UBN1: variants seen among roughly 807,000 people sequenced by gnomAD.
UBN1 encodes ubinuclein-1.
In UBN1, 17 loss-of-function variants were observed where a neutral mutation model predicts 108.5. The ratio of observed to expected loss-of-function variants is 0.16; its 90% confidence interval spans 0.11 to 0.24. The LOEUF is 0.24. Among genes scored for constraint, UBN1 ranks in the 10% least tolerant of loss-of-function variants. UBN1 has a pLI of 1.00. For missense variants in UBN1, 1,595 were observed against 1,394.4 expected, an observed-to-expected ratio of 1.14 and a Z score of -2.29; for synonymous variants, 726 against 564.2, an observed-to-expected ratio of 1.29 and a Z score of -4.07.
chr16:4,873,166 T>C, intron 14 of UBN1, 93 bp downstream of exon 14: 1 of 1,549,114 alleles, frequency 6.5e-7, no homozygotes, highest in Non-Finnish European at 8.9e-7. Flanking sequence ...AGCTCATTGA[T>C]CTTTGCTCGT....
intron 8 of UBN1, 29 bp from the exon 9 acceptor site, chr16:4,870,183 G>C (rs1567935882): frequency 5.6e-6 from 9 of 1,613,624 alleles, no homozygotes; most frequent in Non-Finnish European, 7.6e-6. Flanking sequence ...GTGAGCTGCA[G>C]CCGGTGGTGA....
At chr16:4,848,528 C>T (rs76407180) in intron 1 of UBN1, 19,567 of 152,206 alleles carry the variant, frequency 0.13, 1,435 homozygotes, top group South Asian at 0.26. Flanking sequence ...CACGCATTTC[C>T]CCAAGGCATT....
chr16:4,855,184 C>T (rs987706618), intron 2 of UBN1, among the ~76,000 whole-genome samples: 11 of 152,108 alleles, frequency 7.2e-5, no homozygotes, highest in South Asian at 2.1e-4. Flanking sequence ...GAGTGTGGAA[C>T]GAGAATGAAA....
At chr16:4,876,357 G>C (rs1055140945) in intron 15 of UBN1, among the ~76,000 whole-genome samples, 2 of 151,952 alleles carry the variant, frequency 1.3e-5, no homozygotes, top group Admixed American at 6.6e-5. Flanking sequence ...CCTCTGTAAG[G>C]TAACTAAGCT....
In UBN1 at chr16:4,870,215, A is replaced by G; in HGVS notation, c.1185A>G (p.Ile395Met). 1 of 1,614,246 alleles carries G rather than the reference A, an allele frequency of 6.2e-7. No individual in the cohort carries two copies. ...GTGACTGTGTTTTGTTCTTCAGCAT[A>G]GAGGCGCAGACTCGGGAGCTGAGCA... ...TQDINGILLDIEAQTRELSSQ... is the reference protein window; with the variant it reads ...TQDINGILLDMEAQTRELSSQ... The change falls in exon 9 of 18, where the codon ATA (isoleucine) becomes ATG (methionine). Residue 395 changes from isoleucine (I) to methionine (M), a missense_variant. Around this residue, in one of 3 missense-constraint regions of UBN1, gnomAD observed 1,398 missense variants for 1,194.7 expected, o/e 1.17. Coordinates refer to ENST00000262376, the MANE Select transcript of UBN1 (RefSeq NM_001079514.3).
intron 13 of UBN1, 46 bp downstream of exon 13, chr16:4,872,980 G>A: frequency 6.2e-7 from 1 of 1,614,146 alleles, no homozygotes; most frequent in South Asian, 1.1e-5. Flanking sequence ...TGTTGTTTTT[G>A]GTCTCCTCTG....
At chr16:4,874,089 C>A in intron 14 of UBN1, 122 bp from the exon 15 acceptor site, 1 of 1,260,340 alleles carries the variant, frequency 7.9e-7, no homozygotes, top group African/African-American at 1.5e-5. Context: ...CACCACTTGT[C>A]TTGTAATTAT....
rs913504204 is a variant in UBN1 at position 4,874,884 on chromosome 16, A to G, written c.2474A>G (p.Asn825Ser). ...KNFTPPSPFANKLQGPKASPT... is the reference protein window; with the variant it reads ...KNFTPPSPFASKLQGPKASPT... Reference sequence around the variant, plus strand: ...TTCACGCCCCCATCTCCATTTGCCAATAAGCTCCAAGGCCCAAAGGCTTCT... The same window carrying G: ...TTCACGCCCCCATCTCCATTTGCCAGTAAGCTCCAAGGCCCAAAGGCTTCT... The change falls in exon 15 of 18, where the codon AAT (asparagine) becomes AGT (serine). Residue 825 changes from asparagine to serine, a missense_variant. Coordinates refer to ENST00000262376, the MANE Select transcript of UBN1 (RefSeq NM_001079514.3). The G allele has an allele frequency of 4.3e-6, 7 of 1,613,998 alleles. No individual in the cohort carries two copies. Among genetic ancestry groups the G allele is most frequent in the African/African-American group, 4.0e-5 (3 of 74,940 alleles).
intron 4 of UBN1, 140 bp downstream of exon 4, chr16:4,858,803 A>C (rs1282379482): frequency 1.0e-6 from 1 of 971,506 alleles, no homozygotes; most frequent in Non-Finnish European, 1.6e-6. Flanking sequence ...ATGAGAGACG[A>C]AATGACATTC....
chr16:4,853,924 A>G (rs992055406), intron 2 of UBN1, among the ~76,000 whole-genome samples: 1 of 152,038 alleles, frequency 6.6e-6, no homozygotes, highest in African/African-American at 2.4e-5. Flanking sequence ...GTCACAAAAT[A>G]TATTTATCAG....
intron 1 of UBN1, among the ~76,000 whole-genome samples, chr16:4,851,339 A>G (rs1031039113): frequency 6.6e-6 from 1 of 152,164 alleles, no homozygotes; most frequent in Non-Finnish European, 1.5e-5. Context: ...AGTTCCAACT[A>G]CTAGGGAGGC....
Position 4,877,640 on chromosome 16 carries a change from C to T in UBN1, c.3355+166C>T, listed in dbSNP as rs1161690396. ...TTGTCAGTACTCAGGGTGACACGCA[C>T]TTCTACTCTTGGGGTTTCCTCTGGT... On this transcript the variant is annotated intron_variant, in intron 17 of 17. Coordinates refer to ENST00000262376, the MANE Select transcript of UBN1 (RefSeq NM_001079514.3). This position sits in a 1 kb window ranked among gnomAD's most constrained non-coding sequence, Gnocchi z 4.3. 2 of 1,339,028 alleles carry T rather than the reference C, an allele frequency of 1.5e-6. No homozygotes were observed. The highest frequency in any genetic ancestry group is 1.9e-6 in the Non-Finnish European group (2 of 1,046,972). 82.9% of individuals were successfully genotyped at this position (1,339,028 alleles called of 1,614,324 possible).
In UBN1 at chr16:4,875,233, C is replaced by T. The variant is rs145528581; in HGVS notation, c.2823C>T (p.Ser941=). ...TGGTCCCTGGCATACAGCCTCCCTC[C>T]GTGGGACAGGCCACCAGCCGACCCG... The part of the protein sequence containing the change: ...GSLVPGIQPP[S]VGQATSRPVP... Residue 941 remains serine (S), a synonymous_variant, in exon 15 of 18, where the codon TCC becomes TCT. Coordinates refer to ENST00000262376, the MANE Select transcript of UBN1 (RefSeq NM_001079514.3). The T allele has an allele frequency of 4.6e-5, 75 of 1,614,088 alleles. No homozygotes were observed. Among genetic ancestry groups the T allele is most frequent in the Admixed American group, 2.7e-4 (16 of 60,010 alleles).
At chr16:4,873,213 A>G (rs987253628) in intron 14 of UBN1, 140 bp downstream of exon 14, 18 of 1,261,216 alleles carry the variant, frequency 1.4e-5, no homozygotes, top group Non-Finnish European at 1.8e-5. Context: ...TCTTGAAGTC[A>G]TAACAGGACA....
chr16:4,874,408 C>T lies in UBN1; in HGVS notation c.1998C>T (p.Ile666=), dbSNP rs1273046828. ...AGGACTCATTGGATGAAGACTTGAT[C>T]CGCAATCCAGCCTCCTCGGTGGAAG... The part of the protein sequence containing the change: ...NLEDSLDEDL[I]RNPASSVEAV... Residue 666 remains isoleucine, a synonymous_variant, in exon 15 of 18, where the codon ATC becomes ATT. Transcript: ENST00000262376. The T allele has an allele frequency of 1.9e-6, 3 of 1,614,130 alleles. No homozygotes were observed. The Admixed American group carries it at 5.0e-5, about 27-fold the overall frequency.
intron 8 of UBN1, 110 bp from the exon 9 acceptor site, chr16:4,870,102 C>A: frequency 6.6e-7 from 1 of 1,512,158 alleles, no homozygotes; most frequent in Non-Finnish European, 9.0e-7. Context: ...ACCAACAAGA[C>A]AGGGTTTGAC....
chr16:4,881,924 C>G lies in UBN1; in HGVS notation c.*1792C>G, dbSNP rs898602911. ...CATAAACACCCGGGTCCCAGGCCCT[C>G]CTTCCTTTCCCTTTGGTGCTCCCTC... On this transcript the variant is annotated 3_prime_UTR_variant, in exon 18 of 18. Transcript: ENST00000262376. The G allele has an allele frequency of 6.6e-6, 1 of 152,322 alleles. No individual in the cohort carries two copies. Among genetic ancestry groups the G allele is most frequent in the African/African-American group, 2.4e-5 (1 of 41,396 alleles). 9.4% of individuals were successfully genotyped at this position (152,322 alleles called of 1,614,324 possible). A position where few individuals can be genotyped will look rare whatever the true frequency, so the allele number is the denominator to read the frequency against.
At position 4,847,522 on chromosome 16, in the gene UBN1, C is replaced by G. The variant is rs906325246; in HGVS notation, c.-728C>G. ...CTTCGGCTCGTGACAACGAAGCGCCCGCGGTCTGAGGCGGCGGCGGCGGCG... is the reference window on the plus strand; with the variant it reads ...CTTCGGCTCGTGACAACGAAGCGCCGGCGGTCTGAGGCGGCGGCGGCGGCG... On this transcript the variant is annotated 5_prime_UTR_variant, in exon 1 of 18. Transcript: ENST00000262376. 4 of 501,086 alleles carry G rather than the reference C, an allele frequency of 8.0e-6. No individual in the cohort carries two copies. The highest frequency in any genetic ancestry group is 1.4e-5 in the Non-Finnish European group (4 of 289,608). 31.0% of individuals were successfully genotyped at this position (501,086 alleles called of 1,614,324 possible). A position where few individuals can be genotyped will look rare whatever the true frequency, so the allele number is the denominator to read the frequency against.
chr16:4,866,156 A>G lies in UBN1; in HGVS notation c.1111-2677A>G, dbSNP rs1042984676. Reference sequence around the variant, plus strand: ...AAAGTTCAGTTTTATTTTTTCCCAGACTAATATAATTCTAGTACCTTCCAA... The same window carrying G: ...AAAGTTCAGTTTTATTTTTTCCCAGGCTAATATAATTCTAGTACCTTCCAA... On this transcript the variant is annotated intron_variant, in intron 7 of 17. Transcript: ENST00000262376. Among the ~76,000 whole-genome samples the G allele has an allele frequency of 4.3e-4, 66 of 152,148 alleles. 1 individual carries two copies. The highest frequency in any genetic ancestry group is 1.3e-4 in the Admixed American group (2 of 15,284).
Sources: gnomAD v4.1 joint callset for allele counts (sites outside exome capture counted in the v4.1 genomes callset) on GRCh38, gnomAD v4.1.1 for gene constraint, gnomAD v4.1.1 regional missense constraint, Gnocchi (gnomAD v3.1) non-coding constraint, MANE v1.5 for transcripts, NCBI Gene and HGNC (gene_info 2026-07-23, HGNC 2026-07-21) for gene names.